GABRG2: variants seen among roughly 807,000 people sequenced by gnomAD.
GABRG2 encodes gamma-aminobutyric acid type A receptor subunit gamma2.
GABRG2 carries 16 observed loss-of-function variants against 56.4 expected under a neutral mutation model. The observed-to-expected ratio is 0.28, with a 90% CI of 0.19 to 0.43. The LOEUF (loss-of-function observed/expected upper bound fraction) is 0.43. Ranked by LOEUF, GABRG2 falls within the 20% of genes least tolerant of loss-of-function variation. The pLI is 1.00. For missense variants in GABRG2, 327 were observed against 582.7 expected (o/e 0.56, Z 4.52); for synonymous variants, 208 against 205.5 (o/e 1.01, Z -0.10).
intron 1 of GABRG2, among the ~76,000 whole-genome samples, chr5:162,080,518 C>A (rs1212776814): frequency 6.6e-6 from 1 of 152,090 alleles, no homozygotes; most frequent in Non-Finnish European, 1.5e-5. Flanking sequence ...ATGAAAAAGT[C>A]TAGGGGAAGA....
intron 6 of GABRG2, among the ~76,000 whole-genome samples, chr5:162,122,530 T>C (rs1185635454): frequency 2.0e-5 from 3 of 151,836 alleles, no homozygotes; most frequent in African/African-American, 7.2e-5. Flanking sequence ...AAGGGTTCCA[T>C]CACTAGTATT....
intron 6 of GABRG2, among the ~76,000 whole-genome samples, chr5:162,131,338 C>T (rs1248993252): frequency 6.6e-6 from 1 of 152,100 alleles, no homozygotes; most frequent in African/African-American, 2.4e-5. Flanking sequence ...CGTGGTGAAC[C>T]TCCAGTGGTA....
chr5:162,101,515 T>C, intron 5 of GABRG2, 198 bp downstream of exon 5: 1 of 603,070 alleles, frequency 1.7e-6, no homozygotes, highest in Admixed American at 2.7e-5. Context: ...GAAGGGCTGA[T>C]TTTATTAAGA....
In GABRG2 at chr5:162,151,717, T is replaced by C. The variant is rs778869689; in HGVS notation, c.1129-13T>C. 1 of 1,609,096 alleles carries C rather than the reference T, an allele frequency of 6.2e-7. No individual in the cohort carries two copies. The highest frequency in any genetic ancestry group is 1.7e-5 in the Admixed American group (1 of 59,832). On this transcript the variant is annotated splice_polypyrimidine_tract_variant and intron_variant, in intron 8 of 9. Coordinates refer to ENST00000639213, the MANE Select transcript of GABRG2 (RefSeq NM_198904.4). ...AACAAATGCAATTCTCTTTTCTGTCTACAAACCCAAAGCTTCTTCGGATGT... is the reference window on the plus strand; with the variant it reads ...AACAAATGCAATTCTCTTTTCTGTCCACAAACCCAAAGCTTCTTCGGATGT...
At chr5:162,102,498 C>T in intron 5 of GABRG2, 5 of 454,000 alleles carry the variant, frequency 1.1e-5, no homozygotes, top group South Asian at 6.2e-5. Flanking sequence ...TTCTCTGCCT[C>T]ATATCATCAT....
chr5:162,148,155 T>A (rs1765098591), intron 7 of GABRG2, among the ~76,000 whole-genome samples: 1 of 152,168 alleles, frequency 6.6e-6, no homozygotes, highest in Admixed American at 6.5e-5. Flanking sequence ...AGAGGACAGG[T>A]TTGGATAGGT....
At position 162,067,942 on chromosome 5, in the gene GABRG2, G is replaced by T; in HGVS notation, c.-58G>T. Reference sequence around the variant, plus strand: ...CATAAGCATAAGAATAATACAAAGGGGAGGGATTCTTCTGCAACCAAGAGG... The same window carrying T: ...CATAAGCATAAGAATAATACAAAGGTGAGGGATTCTTCTGCAACCAAGAGG... On this transcript the variant is annotated 5_prime_UTR_variant, in exon 1 of 10. Coordinates refer to ENST00000639213, the MANE Select transcript of GABRG2 (RefSeq NM_198904.4). 8.6e-7 allele frequency: 1 copy of T among 1,157,732 alleles called. No homozygotes were observed. The highest frequency in any genetic ancestry group is 1.7e-5 in the Admixed American group (1 of 59,256). The allele number at this position is 1,157,732 out of a possible 1,614,324, so 71.7% of individuals were successfully genotyped here.
At chr5:162,089,258 A>T (rs1003532213) in intron 1 of GABRG2, among the ~76,000 whole-genome samples, 1 of 152,118 alleles carries the variant, frequency 6.6e-6, no homozygotes, top group Non-Finnish European at 1.5e-5. Context: ...GGGTAACATG[A>T]TGATGTACGG....
At chr5:162,109,686 A>G (rs566794315) in intron 6 of GABRG2, among the ~76,000 whole-genome samples, 1 of 152,170 alleles carries the variant, frequency 6.6e-6, no homozygotes, top group East Asian at 1.9e-4. Flanking sequence ...TCAATGAAAT[A>G]CATAATGTGG....
At chr5:162,118,304 C>T (rs752035275) in intron 6 of GABRG2, among the ~76,000 whole-genome samples, 6 of 151,554 alleles carry the variant, frequency 4.0e-5, no homozygotes, top group Non-Finnish European at 4.4e-5. Flanking sequence ...CTGTAACAGC[C>T]TGATAGGTTT....
chr5:162,145,637 A>T (rs959976355), intron 7 of GABRG2, among the ~76,000 whole-genome samples: 2 of 152,208 alleles, frequency 1.3e-5, no homozygotes. Context: ...ATGAATGCCT[A>T]TGTAGCCTAA....
chr5:162,085,834 G>A (rs554989272), intron 1 of GABRG2, among the ~76,000 whole-genome samples: 1 of 151,650 alleles, frequency 6.6e-6, no homozygotes, highest in African/African-American at 2.4e-5. Context: ...GCGGTATTTG[G>A]TTTTCTGTTC....
At chr5:162,093,018 A>G (rs1272716787) in intron 1 of GABRG2, among the ~76,000 whole-genome samples, 1 of 152,142 alleles carries the variant, frequency 6.6e-6, no homozygotes, top group Non-Finnish European at 1.5e-5. Flanking sequence ...TTCCAGAGTC[A>G]TTCTCAGGTG....
intron 6 of GABRG2, among the ~76,000 whole-genome samples, chr5:162,116,157 G>A (rs2113453830): frequency 6.7e-6 from 1 of 149,982 alleles, no homozygotes; most frequent in Non-Finnish European, 1.5e-5. Context: ...TTTCCAGAAA[G>A]GATTACTCTT....
At chr5:162,079,092 C>G (rs1250598740) in intron 1 of GABRG2, among the ~76,000 whole-genome samples, 3 of 151,678 alleles carry the variant, frequency 2.0e-5, no homozygotes, top group Admixed American at 2.0e-4. Flanking sequence ...TACTCACATA[C>G]TCCTCAAAAT....
rs193024691 is a variant in GABRG2, at chr5:162,153,923, C to A, written c.*555C>A. 1.3e-5 allele frequency: 2 copies of A among 159,808 alleles called. No homozygotes were observed. Among genetic ancestry groups the A allele is most frequent in the Non-Finnish European group, 2.8e-5 (2 of 72,180 alleles). 9.9% of individuals were successfully genotyped at this position (159,808 alleles called of 1,614,324 possible). A position where few individuals can be genotyped will look rare whatever the true frequency, so the allele number is the denominator to read the frequency against. On this transcript the variant is annotated 3_prime_UTR_variant, in exon 10 of 10. Coordinates refer to ENST00000639213, the MANE Select transcript of GABRG2 (RefSeq NM_198904.4). ...TACAATGATGTAAATATTTCAATAACTTAGAATGCTTCAAGTTTAGTGCAT... is the reference window on the plus strand; with the variant it reads ...TACAATGATGTAAATATTTCAATAAATTAGAATGCTTCAAGTTTAGTGCAT...
At chr5:162,114,323 G>T (rs147594603) in intron 6 of GABRG2, among the ~76,000 whole-genome samples, 1 of 151,952 alleles carries the variant, frequency 6.6e-6, no homozygotes, top group Admixed American at 6.6e-5. Context: ...GCAATGTGTA[G>T]GTGTATCGCT....
intron 6 of GABRG2, among the ~76,000 whole-genome samples, chr5:162,122,281 A>T (rs1401650231): frequency 6.6e-6 from 1 of 151,996 alleles, no homozygotes; most frequent in Admixed American, 6.6e-5. Context: ...CAATTCATAG[A>T]ACCTATATCC....
At chr5:162,127,639 A>G (rs1375524108) in intron 6 of GABRG2, among the ~76,000 whole-genome samples, 1 of 151,860 alleles carries the variant, frequency 6.6e-6, no homozygotes, top group East Asian at 1.9e-4. Context: ...TGATACCAAA[A>G]CCCCATTATT....
Sources: allele counts gnomAD v4.1 joint callset (sites outside exome capture counted in the v4.1 genomes callset), GRCh38; gene constraint gnomAD v4.1.1; transcripts MANE v1.5; gene names NCBI Gene and HGNC (gene_info 2026-07-23, HGNC 2026-07-21).